Variants in C12orf42 observed in about 807,000 individuals in gnomAD.
C12orf42 encodes the protein chromosome 12 open reading frame 42.
Under a neutral mutation model 21.6 loss-of-function variants are expected in C12orf42, and 25 were observed. That is an observed-to-expected ratio of 1.16 (90% CI 0.84 to 1.62). The LOEUF (loss-of-function observed/expected upper bound fraction) is 1.62, where lower values mean the gene tolerates loss of function less well. C12orf42 is among the 40% of genes most tolerant of loss of function. The pLI is 0.00. For synonymous variants in C12orf42, 174 were observed against 175.0 expected (o/e 0.99, Z 0.05); for missense variants, 483 against 459.3 (o/e 1.05, Z -0.47).
At chr12:103,335,214 T>C (rs2041588189) in intron 4 of C12orf42, among the ~76,000 whole-genome samples, 1 of 152,256 alleles carries the variant, frequency 6.6e-6, no homozygotes, top group Non-Finnish European at 1.5e-5. Context: ...CAGAGTGCTT[T>C]CTGCCATTGA....
chr12:103,108,119 AAAT>A, the C12orf42 span, among the ~76,000 whole-genome samples: 1 of 151,302 alleles, frequency 6.6e-6, no homozygotes, highest in Non-Finnish European at 1.5e-5. Flanking sequence ...CTATTAAAAT[AAAT>A]AATAATAATT....
At chr12:103,089,644 TG>T in the C12orf42 span, among the ~76,000 whole-genome samples, 1 of 151,974 alleles carries the variant, frequency 6.6e-6, no homozygotes, top group Non-Finnish European at 1.5e-5. Flanking sequence ...TGTGTGTGTG[TG>T]TGTGTGTGTT....
chr12:103,212,073 G>T, the C12orf42 span, among the ~76,000 whole-genome samples: 1 of 151,976 alleles, frequency 6.6e-6, no homozygotes, highest in Non-Finnish European at 1.5e-5. Flanking sequence ...ACTAAATATT[G>T]TACATAGTGT....
At chr12:103,421,440 G>A (rs182007954) in intron 2 of C12orf42, among the ~76,000 whole-genome samples, 1 of 151,940 alleles carries the variant, frequency 6.6e-6, no homozygotes, top group African/African-American at 2.4e-5. Context: ...TGAGTGTGGT[G>A]GTGTGTGCCT....
chr12:103,489,297 A>C (rs1427875063), intron 1 of C12orf42, among the ~76,000 whole-genome samples: 1 of 152,046 alleles, frequency 6.6e-6, no homozygotes, highest in Non-Finnish European at 1.5e-5. Flanking sequence ...ACAGCAAATA[A>C]TGCTGCCTGA....
chr12:103,372,219 A>G (rs1038644788), intron 3 of C12orf42, among the ~76,000 whole-genome samples: 1 of 151,784 alleles, frequency 6.6e-6, no homozygotes, highest in Non-Finnish European at 1.5e-5. Context: ...CTTGCAGTTC[A>G]CCTCCGTTGA....
At chr12:103,401,912 A>G in intron 2 of C12orf42, among the ~76,000 whole-genome samples, 1 of 152,336 alleles carries the variant, frequency 6.6e-6, no homozygotes, top group East Asian at 1.9e-4. Context: ...GGTATTAACG[A>G]AATAATCACA....
At position 103,434,756 on chromosome 12, in the gene C12orf42, A is replaced by G. The variant is rs981970353; in HGVS notation, c.79-33081T>C. ...ACCTGGCTTGGAGGGTCCTACGCCC[A>G]CGGACTCTTGCTGATTGCTAGCACA... On this transcript the variant is annotated intron_variant, in intron 2 of 5. Transcript: ENST00000548883. Among the ~76,000 whole-genome samples, 6 of 152,318 alleles carry G rather than the reference A, an allele frequency of 3.9e-5. No homozygotes were observed. The East Asian group carries it at 1.2e-3, about 29-fold the overall frequency.
the C12orf42 span, among the ~76,000 whole-genome samples, chr12:103,131,646 G>A: frequency 6.6e-6 from 1 of 152,122 alleles, no homozygotes; most frequent in East Asian, 1.9e-4. Context: ...AACCAATCAA[G>A]AAAGACTCCC....
At chr12:103,190,960 A>G in the C12orf42 span, among the ~76,000 whole-genome samples, 3 of 152,210 alleles carry the variant, frequency 2.0e-5, no homozygotes, top group African/African-American at 4.8e-5. Context: ...CTGAGAAAAC[A>G]TTATAAGTTT....
At chr12:103,561,957 C>T in the C12orf42 span, among the ~76,000 whole-genome samples, 226 of 152,338 alleles carry the variant, frequency 1.5e-3, 8 homozygotes, top group South Asian at 0.046. Flanking sequence ...GTGCCTTACA[C>T]AAATTTATTA....
At chr12:103,408,767 A>G (rs892342859) in intron 2 of C12orf42, among the ~76,000 whole-genome samples, 7 of 152,114 alleles carry the variant, frequency 4.6e-5, no homozygotes, top group African/African-American at 1.7e-4. Context: ...TCAAAACCAA[A>G]AACTGTATAT....
At chr12:103,226,131 C>T in the C12orf42 span, among the ~76,000 whole-genome samples, 2 of 152,192 alleles carry the variant, frequency 1.3e-5, no homozygotes, top group East Asian at 1.9e-4. Flanking sequence ...GGCCAGATTT[C>T]CAGCACTTGT....
chr12:103,115,099 A>G, the C12orf42 span, among the ~76,000 whole-genome samples: 24 of 152,318 alleles, frequency 1.6e-4, no homozygotes, highest in East Asian at 3.9e-3. Context: ...GTCACACATC[A>G]TCTTGCAAAA....
the C12orf42 span, among the ~76,000 whole-genome samples, chr12:103,064,737 C>T: frequency 1.3e-5 from 2 of 152,042 alleles, no homozygotes; most frequent in South Asian, 2.1e-4. Flanking sequence ...ACCAGGGTAA[C>T]TGTATTGGGG....
the C12orf42 span, among the ~76,000 whole-genome samples, chr12:103,186,397 T>C: frequency 6.6e-6 from 1 of 152,212 alleles, no homozygotes; most frequent in Non-Finnish European, 1.5e-5. Flanking sequence ...GATGGTGGTA[T>C]GTAAGAGGAT....
chr12:103,502,957 T>C, the C12orf42 span, among the ~76,000 whole-genome samples: 3 of 152,204 alleles, frequency 2.0e-5, no homozygotes, highest in African/African-American at 7.2e-5. Flanking sequence ...CACTGTAATT[T>C]TGCAGCAATA....
the C12orf42 span, among the ~76,000 whole-genome samples, chr12:103,210,639 CTTTTTTTTT>C: frequency 1.3e-5 from 1 of 77,640 alleles, no homozygotes; most frequent in African/African-American, 4.5e-5. Context: ...CCCTCTATTT[CTTTTTTTTT>C]TTTTTTTTTT....
downstream of C12orf42, among the ~76,000 whole-genome samples, chr12:103,297,721 C>T (rs1432120293): frequency 2.0e-5 from 3 of 151,432 alleles, no homozygotes; most frequent in Non-Finnish European, 4.4e-5. Flanking sequence ...TACTGGCAAA[C>T]CAAATCCAGC....
Sources: allele counts gnomAD v4.1 joint callset (sites outside exome capture counted in the v4.1 genomes callset), GRCh38; gene constraint gnomAD v4.1.1; transcripts MANE v1.5; gene names NCBI Gene and HGNC (gene_info 2026-07-23, HGNC 2026-07-21).